Variants in SPOCK3 observed in about 807,000 individuals in gnomAD.
SPOCK3 encodes testican-3.
SPOCK3 carries 30 observed loss-of-function variants against 56.6 expected under a neutral mutation model. The ratio of observed to expected loss-of-function variants is 0.53; its 90% CI spans 0.40 to 0.72. The LOEUF (loss-of-function observed/expected upper bound fraction) is 0.72. SPOCK3 is among the 30% of genes least tolerant of loss of function. The pLI is 0.00. For missense variants in SPOCK3, 527 were observed against 530.0 expected (o/e 0.99, Z 0.06); for synonymous variants, 196 against 183.3 (o/e 1.07, Z -0.56).
intron 2 of SPOCK3, among the ~76,000 whole-genome samples, chr4:167,064,191 C>A (rs1755880658): frequency 6.6e-6 from 1 of 150,796 alleles, no homozygotes; most frequent in African/African-American, 2.4e-5. Context: ...GTAATTGCAC[C>A]CCACCAATTT....
At chr4:166,792,765 C>T (rs1041639770) in intron 6 of SPOCK3, among the ~76,000 whole-genome samples, 12 of 151,824 alleles carry the variant, frequency 7.9e-5, no homozygotes, top group Non-Finnish European at 1.5e-4. Context: ...TATACTGTTC[C>T]TATTTGATTT....
chr4:167,208,264 T>C (rs1734542792), intron 2 of SPOCK3, among the ~76,000 whole-genome samples: 1 of 152,176 alleles, frequency 6.6e-6, no homozygotes, highest in Non-Finnish European at 1.5e-5. Context: ...TAAGTAAAAT[T>C]AAAATGGTAT....
At chr4:167,148,533 T>C (rs1249709045) in intron 2 of SPOCK3, among the ~76,000 whole-genome samples, 1 of 152,050 alleles carries the variant, frequency 6.6e-6, no homozygotes, top group Admixed American at 6.6e-5. Context: ...TTAGTCATCA[T>C]TAAAAGGAGG....
At chr4:166,788,937 C>G (rs987305332) in intron 7 of SPOCK3, among the ~76,000 whole-genome samples, 3 of 150,642 alleles carry the variant, frequency 2.0e-5, no homozygotes, top group African/African-American at 7.3e-5. Context: ...AAATATAATA[C>G]TGATGCAAAC....
At chr4:166,820,691 GTGTGTACC>G (rs1348574149) in intron 6 of SPOCK3, among the ~76,000 whole-genome samples, 1 of 151,962 alleles carries the variant, frequency 6.6e-6, no homozygotes, top group Non-Finnish European at 1.5e-5. Context: ...AGGTGTGTTG[GTGTGTACC>G]TGTGGTTCCA....
chr4:166,898,116 C>G (rs555732933), intron 5 of SPOCK3, among the ~76,000 whole-genome samples: 2 of 152,252 alleles, frequency 1.3e-5, no homozygotes, highest in African/African-American at 4.8e-5. Flanking sequence ...AGGAGGATCA[C>G]TGAGCCCCGG....
intron 7 of SPOCK3, among the ~76,000 whole-genome samples, chr4:166,782,800 G>A (rs1740317508): frequency 6.6e-6 from 1 of 152,088 alleles, no homozygotes; most frequent in Non-Finnish European, 1.5e-5. Flanking sequence ...TAGGTTTAAA[G>A]ATTTAAGTGC....
intron 4 of SPOCK3, among the ~76,000 whole-genome samples, chr4:166,949,031 T>G (rs559079958): frequency 6.6e-6 from 1 of 152,168 alleles, no homozygotes; most frequent in Non-Finnish European, 1.5e-5. Context: ...TCTTGGAGGC[T>G]TTGTTCGTTT....
intron 2 of SPOCK3, among the ~76,000 whole-genome samples, chr4:167,093,974 G>C (rs1362198780): frequency 6.6e-6 from 1 of 152,128 alleles, no homozygotes; most frequent in Non-Finnish European, 1.5e-5. Flanking sequence ...CATGTACAGA[G>C]TAAATAGACT....
chr4:167,152,827 G>T (rs1028900176), intron 2 of SPOCK3, among the ~76,000 whole-genome samples: 11 of 151,936 alleles, frequency 7.2e-5, no homozygotes, highest in Non-Finnish European at 1.5e-5. Context: ...ATCAAAATAT[G>T]TTTTTTAAAA....
At chr4:167,119,903 AG>A in intron 2 of SPOCK3, 1 of 1,402,608 alleles carries the variant, frequency 7.1e-7, no homozygotes, top group Non-Finnish European at 9.4e-7. Flanking sequence ...CAACCAAAAA[AG>A]AAAAAAGGAA....
intron 5 of SPOCK3, among the ~76,000 whole-genome samples, chr4:166,897,055 T>C (rs1735467525): frequency 6.6e-6 from 1 of 152,152 alleles, no homozygotes; most frequent in South Asian, 2.1e-4. Context: ...GATATGACAG[T>C]TTGTCCTGGT....
intron 6 of SPOCK3, among the ~76,000 whole-genome samples, chr4:166,835,691 A>G (rs1481293424): frequency 6.6e-6 from 1 of 152,154 alleles, no homozygotes; most frequent in Non-Finnish European, 1.5e-5. Flanking sequence ...GAATTTCATG[A>G]GACAATATAA....
intron 2 of SPOCK3, among the ~76,000 whole-genome samples, chr4:167,212,466 C>A (rs1003423468): frequency 6.6e-6 from 1 of 152,018 alleles, no homozygotes; most frequent in Non-Finnish European, 1.5e-5. Context: ...TGGTCTTGAA[C>A]TCCTGACCTC....
intron 2 of SPOCK3, among the ~76,000 whole-genome samples, chr4:167,109,527 T>G (rs1027797682): frequency 1.6e-5 from 2 of 126,566 alleles, no homozygotes; most frequent in Non-Finnish European, 3.2e-5. Context: ...ATTTATATAT[T>G]TTATATAAAT....
At chr4:167,050,188 G>A (rs1178616548) in intron 3 of SPOCK3, among the ~76,000 whole-genome samples, 1 of 152,136 alleles carries the variant, frequency 6.6e-6, no homozygotes, top group Non-Finnish European at 1.5e-5. Context: ...GAATAGGTTA[G>A]TTAAAATTCT....
intron 4 of SPOCK3, among the ~76,000 whole-genome samples, chr4:166,938,140 G>T (rs1217620653): frequency 6.6e-6 from 1 of 151,808 alleles, no homozygotes; most frequent in African/African-American, 2.4e-5. Context: ...GACTAGAAGT[G>T]ATTTTGAAAA....
chr4:167,185,370 A>G (rs1232478841), intron 2 of SPOCK3, among the ~76,000 whole-genome samples: 1 of 152,144 alleles, frequency 6.6e-6, no homozygotes, highest in African/African-American at 2.4e-5. Flanking sequence ...CTGACCTCCA[A>G]TGTTACCCAT....
chr4:167,198,408 C>A (rs1257109808), intron 2 of SPOCK3, among the ~76,000 whole-genome samples: 3 of 152,190 alleles, frequency 2.0e-5, no homozygotes, highest in Middle Eastern at 3.4e-3. Context: ...GAACTCCCAC[C>A]TTGTTGAAGT....
Sources: gnomAD v4.1 joint callset for allele counts (sites outside exome capture counted in the v4.1 genomes callset) on GRCh38, gnomAD v4.1.1 for gene constraint, MANE v1.5 for transcripts, NCBI Gene and HGNC (gene_info 2026-07-23, HGNC 2026-07-21) for gene names.